Variants in CERS6 observed in about 807,000 individuals in gnomAD.
The protein encoded by CERS6 is LAG1 homolog, ceramide synthase 6.
CERS6 carries 26 observed loss-of-function variants against 56.8 expected under a neutral mutation model. The observed-to-expected ratio is 0.46, with a 90% CI of 0.34 to 0.63. The LOEUF (loss-of-function observed/expected upper bound fraction) is 0.63. CERS6 is among the 30% of genes least tolerant of loss of function. The pLI is 0.01. For missense variants in CERS6, 415 were observed against 467.5 expected (o/e 0.89, Z 1.04); for synonymous variants, 164 against 173.3 (o/e 0.95, Z 0.42).
intron 8 of CERS6, among the ~76,000 whole-genome samples, chr2:168,729,504 A>G (rs1296047376): frequency 1.3e-5 from 2 of 152,110 alleles, no homozygotes; most frequent in East Asian, 3.9e-4. Context: ...CAACTGTCCT[A>G]AGCTCAGCCT....
At chr2:168,633,052 G>A (rs899473323) in intron 4 of CERS6, among the ~76,000 whole-genome samples, 7 of 152,074 alleles carry the variant, frequency 4.6e-5, no homozygotes, top group African/African-American at 1.4e-4. Context: ...GAGTCTGCAC[G>A]AGGCAGTAAG....
chr2:168,622,239 C>T (rs931768807), intron 3 of CERS6, among the ~76,000 whole-genome samples: 8 of 152,064 alleles, frequency 5.3e-5, no homozygotes, highest in African/African-American at 1.9e-4. Flanking sequence ...AATACACTAA[C>T]ACTAAGGATA....
At chr2:168,668,914 T>C (rs7590289) in intron 4 of CERS6, among the ~76,000 whole-genome samples, 2,735 of 152,262 alleles carry the variant, frequency 0.018, 84 homozygotes, top group African/African-American at 0.062. Context: ...TGCATGACTT[T>C]TGAGATATTG....
At chr2:168,641,981 T>C (rs1685063600) in intron 4 of CERS6, among the ~76,000 whole-genome samples, 1 of 152,146 alleles carries the variant, frequency 6.6e-6, no homozygotes. Flanking sequence ...AAATCAAGTA[T>C]GGTATAGTAA....
chr2:168,745,230 T>C (rs986511865), intron 8 of CERS6, among the ~76,000 whole-genome samples: 18 of 144,042 alleles, frequency 1.2e-4, no homozygotes, highest in African/African-American at 4.7e-4. Flanking sequence ...TCTCATGTTA[T>C]GTTTATCAGT....
At chr2:168,523,489 GAA>G (rs1695019171) in intron 1 of CERS6, among the ~76,000 whole-genome samples, 1 of 152,092 alleles carries the variant, frequency 6.6e-6, no homozygotes, top group African/African-American at 2.4e-5. Context: ...TTGTATGAAT[GAA>G]AGAGAGGTGG....
At chr2:168,699,604 T>A (rs995308466) in intron 6 of CERS6, among the ~76,000 whole-genome samples, 3 of 152,192 alleles carry the variant, frequency 2.0e-5, no homozygotes, top group Non-Finnish European at 2.9e-5. Context: ...ACCTTTTTTT[T>A]AAATTGCTGT....
intron 3 of CERS6, among the ~76,000 whole-genome samples, chr2:168,583,559 G>A (rs145847555): frequency 5.3e-4 from 81 of 152,246 alleles, no homozygotes; most frequent in African/African-American, 1.3e-3. Context: ...GGCCTCCCTG[G>A]GTCTTAGACC....
chr2:168,481,091 C>T (rs1694168760), intron 1 of CERS6, among the ~76,000 whole-genome samples: 1 of 152,244 alleles, frequency 6.6e-6, no homozygotes, highest in East Asian at 1.9e-4. Context: ...GCAGAGGATC[C>T]TTGAGGAGCT....
At chr2:168,653,876 C>T (rs60153966) in intron 4 of CERS6, among the ~76,000 whole-genome samples, 2 of 152,154 alleles carry the variant, frequency 1.3e-5, no homozygotes, top group African/African-American at 4.8e-5. Context: ...CTTGAAAGTG[C>T]TAGTCAGATG....
intron 3 of CERS6, among the ~76,000 whole-genome samples, chr2:168,574,896 G>A: frequency 6.6e-6 from 1 of 152,164 alleles, no homozygotes; most frequent in East Asian, 1.9e-4. Context: ...AGGAGTTAAA[G>A]CTCATAGTTT....
At chr2:168,605,971 C>T (rs926701426) in intron 3 of CERS6, among the ~76,000 whole-genome samples, 3 of 152,172 alleles carry the variant, frequency 2.0e-5, no homozygotes, top group Admixed American at 6.5e-5. Context: ...ACAGAGTCCC[C>T]ACTGGGGCAC....
At chr2:168,550,352 T>C (rs939754719) in intron 2 of CERS6, among the ~76,000 whole-genome samples, 1 of 151,890 alleles carries the variant, frequency 6.6e-6, no homozygotes, top group Non-Finnish European at 1.5e-5. Flanking sequence ...ATGTAAAAAA[T>C]TTTTTTGGAG....
chr2:168,740,712 G>T (rs1382968885), intron 8 of CERS6, among the ~76,000 whole-genome samples: 1 of 152,212 alleles, frequency 6.6e-6, no homozygotes, highest in Non-Finnish European at 1.5e-5. Context: ...TAGTAGTCTA[G>T]TTTCTTTAAA....
Position 168,717,884 on chromosome 2 carries a change from G to T in CERS6, c.751G>T (p.Ala251Ser). The T allele has an allele frequency of 6.2e-7, 1 of 1,612,972 alleles. No homozygotes were observed. Among genetic ancestry groups the T allele is most frequent in the Non-Finnish European group, 8.5e-7 (1 of 1,179,420 alleles). The change falls in exon 8 of 10, where the codon GCA (alanine) becomes TCA (serine). Residue 251 changes from alanine (A) to serine (S), a missense_variant. By Grantham distance (99) the Ala-to-Ser change is moderately conservative. Transcript: ENST00000305747. ...CTTTCTTTCATAGGCTGCCAAAATG[G>T]CAAATTATGCCAAGTTTCAGAAAAT... ...ADALLEAAKM[A>S]NYAKFQKMCD...
intron 6 of CERS6, among the ~76,000 whole-genome samples, chr2:168,707,828 C>T (rs1686997518): frequency 6.6e-6 from 1 of 151,978 alleles, no homozygotes; most frequent in African/African-American, 2.4e-5. Context: ...TTTTTTAGTC[C>T]TTTATTTCTT....
At chr2:168,473,428 G>T (rs1694013662) in intron 1 of CERS6, among the ~76,000 whole-genome samples, 1 of 151,986 alleles carries the variant, frequency 6.6e-6, no homozygotes, top group Admixed American at 6.6e-5. Flanking sequence ...TCATGTTTAA[G>T]ATGATTGTTT....
chr2:168,498,464 C>G (rs1313375598), intron 1 of CERS6, among the ~76,000 whole-genome samples: 1 of 152,108 alleles, frequency 6.6e-6, no homozygotes, highest in Non-Finnish European at 1.5e-5. Context: ...GCAAAAGGAA[C>G]AGGAACTTAC....
At chr2:168,513,351 A>T (rs55959752) in intron 1 of CERS6, among the ~76,000 whole-genome samples, 35,129 of 152,026 alleles carry the variant, frequency 0.23, 5,132 homozygotes, top group East Asian at 0.52. Flanking sequence ...TTTTTACCAG[A>T]TGTCTTTTTT....
Sources: allele counts gnomAD v4.1 joint callset (sites outside exome capture counted in the v4.1 genomes callset), GRCh38; gene constraint gnomAD v4.1.1; transcripts MANE v1.5; gene names NCBI Gene and HGNC (gene_info 2026-07-23, HGNC 2026-07-21).